DNM2: variants seen among roughly 807,000 people sequenced by gnomAD.
DNM2 encodes the protein dynamin-2.
DNM2 carries 15 observed loss-of-function variants against 99.0 expected under a neutral mutation model. The observed-to-expected ratio is 0.15, with a 90% CI of 0.10 to 0.23. The LOEUF (loss-of-function observed/expected upper bound fraction) is 0.23, where lower values mean the gene tolerates loss of function less well. Ranked by LOEUF, DNM2 falls within the 10% of genes least tolerant of loss-of-function variation. The pLI is 1.00. For synonymous variants in DNM2, 525 were observed against 481.2 expected (o/e 1.09, Z -1.19); for missense variants, 742 against 1,189.4 (o/e 0.62, Z 5.53).
In DNM2 at chr19:10,795,959, T is replaced by G; in HGVS notation, c.1196+520T>G. The stretch of plus-strand genomic sequence containing the variant: ...ATCCGACCCCACACATGACACAACC[T>G]TCATTCCTTGTTGGGGACCCGGCCA... On this transcript the variant is annotated intron_variant, in intron 9 of 20. Transcript: ENST00000389253. The surrounding 1 kb of genome is among the most constrained non-coding windows in gnomAD (Gnocchi z 4.2). 1 of 1,590,146 alleles carries G rather than the reference T, an allele frequency of 6.3e-7. No homozygotes were observed. The highest frequency in any genetic ancestry group is 8.6e-7 in the Non-Finnish European group (1 of 1,168,820).
intron 2 of DNM2, among the ~76,000 whole-genome samples, chr19:10,767,828 C>T (rs1214725622): frequency 6.6e-6 from 1 of 152,128 alleles, no homozygotes; most frequent in Non-Finnish European, 1.5e-5. Context: ...ATAGCTTGAA[C>T]CGGGGAGGCA....
rs867985963 is a variant in DNM2 at position 10,765,374 on chromosome 19, C to T, written c.235+5563C>T. Among the ~76,000 whole-genome samples the T allele has an allele frequency of 2.0e-5, 3 of 152,252 alleles. No individual in the cohort carries two copies. Among genetic ancestry groups the T allele is most frequent in the East Asian group, 1.9e-4 (1 of 5,200 alleles). On this transcript the variant is annotated intron_variant, in intron 2 of 20. Coordinates refer to ENST00000389253, the MANE Select transcript of DNM2 (RefSeq NM_001005361.3). This position sits in a 1 kb window ranked among gnomAD's most constrained non-coding sequence, Gnocchi z 4.4. ...TGCTCCGCATGCACGGCCGAGTGAA[C>T]GAGCTCAAAGGGCTGGTGCTGTGCC...
At chr19:10,800,986 G>A (rs183130997) in intron 11 of DNM2, among the ~76,000 whole-genome samples, 1 of 152,338 alleles carries the variant, frequency 6.6e-6, no homozygotes, top group Admixed American at 6.5e-5. Flanking sequence ...CAGTTTTAAT[G>A]CAACACTTTG....
intron 1 of DNM2, among the ~76,000 whole-genome samples, chr19:10,734,767 T>C (rs2069464288): frequency 6.6e-6 from 1 of 150,424 alleles, no homozygotes. Flanking sequence ...TCTGGAAGTA[T>C]ACATACTGAG....
At chr19:10,745,783 A>C (rs1269247156) in intron 1 of DNM2, among the ~76,000 whole-genome samples, 2 of 152,118 alleles carry the variant, frequency 1.3e-5, no homozygotes, top group Non-Finnish European at 2.9e-5. Flanking sequence ...CATGAAGGGG[A>C]GGTGGGCATC....
In DNM2 at chr19:10,817,525, C is replaced by T. The variant is rs2072794416; in HGVS notation, c.1672-2455C>T. The T allele has an allele frequency of 2.3e-6, 1 of 441,142 alleles. No homozygotes were observed. The highest frequency in any genetic ancestry group is 2.8e-5 in the Admixed American group (1 of 36,230). 27.3% of individuals were successfully genotyped at this position (441,142 alleles called of 1,614,324 possible). ...GCCGGCTATCCATCCTGCAGAACCC[C>T]CCAGGCAGACGCTGGGGCCACCAGG... is the stretch of plus-strand genomic sequence containing the variant. On this transcript the variant is annotated intron_variant, in intron 15 of 20. Transcript: ENST00000389253. This position sits in a 1 kb window ranked among gnomAD's most constrained non-coding sequence, Gnocchi z 4.6.
At chr19:10,786,817 A>T in intron 7 of DNM2, 111 bp downstream of exon 7, 1 of 1,555,842 alleles carries the variant, frequency 6.4e-7, no homozygotes, top group South Asian at 1.2e-5. Flanking sequence ...TTGATTCAGC[A>T]GACACTTGCT....
In DNM2 at chr19:10,795,312, C is replaced by G; in HGVS notation, c.1129-60C>G. 6.5e-7 allele frequency: 1 copy of G among 1,542,644 alleles called. No individual in the cohort carries two copies. The highest frequency in any genetic ancestry group is 9.0e-7 in the Non-Finnish European group (1 of 1,115,456). On this transcript the variant is annotated intron_variant, in intron 8 of 20. Coordinates refer to ENST00000389253, the MANE Select transcript of DNM2 (RefSeq NM_001005361.3). This position sits in a 1 kb window ranked among gnomAD's most constrained non-coding sequence, Gnocchi z 4.2. ...TGGGAGAGAACGTTCCCCAGATGCACGCCTGCCACGGGGGCGCCCCGGGTG... is the reference window on the plus strand; with the variant it reads ...TGGGAGAGAACGTTCCCCAGATGCAGGCCTGCCACGGGGGCGCCCCGGGTG...
chr19:10,737,361 C>G (rs969042464), intron 1 of DNM2, among the ~76,000 whole-genome samples: 4 of 152,144 alleles, frequency 2.6e-5, no homozygotes, highest in African/African-American at 9.7e-5. Context: ...AAGCCTCCTT[C>G]TCAAAAGGCT....
intron 1 of DNM2, among the ~76,000 whole-genome samples, chr19:10,739,152 G>A (rs374770541): frequency 2.0e-5 from 3 of 152,082 alleles, no homozygotes; most frequent in South Asian, 2.1e-4. Context: ...CAGCCTGGGC[G>A]ACAGAGCGAG....
At chr19:10,782,912 A>G (rs2071427419) in intron 5 of DNM2, 48 bp from the exon 6 acceptor site, 5 of 1,613,308 alleles carry the variant, frequency 3.1e-6, no homozygotes, top group African/African-American at 1.3e-5. Context: ...TGCCAGGTCC[A>G]CTTGGCTCAC....
chr19:10,801,456 C>CA (rs545580766), intron 11 of DNM2, among the ~76,000 whole-genome samples: 43 of 151,530 alleles, frequency 2.8e-4, no homozygotes, highest in African/African-American at 9.7e-4. Flanking sequence ...CCCACCTCTA[C>CA]AAAAAAAGAA....
intron 10 of DNM2, among the ~76,000 whole-genome samples, 175 bp downstream of exon 10, chr19:10,797,693 A>T (rs1310857402): frequency 6.6e-6 from 1 of 152,118 alleles, no homozygotes; most frequent in Non-Finnish European, 1.5e-5. Flanking sequence ...GAGTGGCATC[A>T]CACGTGGGTT....
intron 1 of DNM2, among the ~76,000 whole-genome samples, chr19:10,742,620 G>A (rs4804523): frequency 0.58 from 87,393 of 151,924 alleles, 25,284 homozygotes; most frequent in Admixed American, 0.6. Flanking sequence ...GCTGAGCCTG[G>A]CCTTCCTGTC....
intron 17 of DNM2, chr19:10,824,233 G>C: frequency 2.8e-6 from 1 of 359,444 alleles, no homozygotes; most frequent in African/African-American, 2.1e-5. Context: ...CACGGTGGGT[G>C]GTTCGCCCCT....
intron 15 of DNM2, among the ~76,000 whole-genome samples, chr19:10,819,550 G>C (rs2072899905): frequency 6.6e-6 from 1 of 152,202 alleles, no homozygotes; most frequent in Admixed American, 6.5e-5. Flanking sequence ...CCCTGCCCTG[G>C]AGAAACTTGA....
At position 10,825,048 on chromosome 19, in the gene DNM2, C is replaced by T. The variant is rs377410182; in HGVS notation, c.1894-9C>T. The T allele has an allele frequency of 2.5e-6, 4 of 1,613,958 alleles. No homozygotes were observed. The highest frequency in any genetic ancestry group is 1.7e-5 in the Admixed American group (1 of 60,018). On this transcript the variant is annotated splice_polypyrimidine_tract_variant and intron_variant, in intron 17 of 20. Transcript: ENST00000389253. ...AGTCACCCCTCAGCACCTCCCCTCC[C>T]GCTTGCAGGCAGAAAACGAGGATGG...
At chr19:10,824,094 G>A (rs2073068371) in intron 17 of DNM2, 195 bp downstream of exon 17, 3 of 603,234 alleles carry the variant, frequency 5.0e-6, no homozygotes, top group Non-Finnish European at 8.9e-6. Context: ...GTTCCCTCAC[G>A]GAAGCCAGTG....
At chr19:10,802,463 T>A in intron 12 of DNM2, 105 bp downstream of exon 12, 2 of 1,323,832 alleles carry the variant, frequency 1.5e-6, no homozygotes, top group Non-Finnish European at 2.2e-6. Flanking sequence ...TGTCAGACAG[T>A]CTCTGTCGGG....
Sources: allele counts gnomAD v4.1 joint callset (sites outside exome capture counted in the v4.1 genomes callset), GRCh38; gene constraint gnomAD v4.1.1; non-coding constraint Gnocchi (gnomAD v3.1); transcripts MANE v1.5; gene names NCBI Gene and HGNC (gene_info 2026-07-23, HGNC 2026-07-21).